Variants in MCCC1 observed in about 807,000 individuals in gnomAD.
The protein encoded by MCCC1 is methylcrotonyl-CoA carboxylase subunit 1.
In MCCC1, 64 loss-of-function variants were observed where a neutral mutation model predicts 83.8. The observed-to-expected ratio is 0.76, with a 90% confidence interval of 0.62 to 0.94. MCCC1 has a LOEUF of 0.94. Ranked by LOEUF, MCCC1 falls within the 40% of genes least tolerant of loss-of-function variation. The pLI is 0.00. For missense variants in MCCC1, 807 were observed against 904.7 expected, an observed-to-expected ratio of 0.89 and a Z score of 1.39; for synonymous variants, 322 against 315.4, an observed-to-expected ratio of 1.02 and a Z score of -0.22.
At chr3:183,046,919 T>A (rs1714600480) in intron 9 of MCCC1, among the ~76,000 whole-genome samples, 5 of 152,086 alleles carry the variant, frequency 3.3e-5, no homozygotes, top group Admixed American at 3.3e-4. Flanking sequence ...GAGCTGTAAT[T>A]GACAAATTCC....
intron 7 of MCCC1, 152 bp from the exon 8 acceptor site, chr3:183,057,574 A>G (rs1715517782): frequency 4.2e-6 from 3 of 713,940 alleles, no homozygotes; most frequent in Non-Finnish European, 7.2e-6. Context: ...ATTAGAGGTT[A>G]TGGACTTAGA....
At chr3:183,106,371 T>C (rs1034870729) in intron 1 of MCCC1, among the ~76,000 whole-genome samples, 1 of 152,218 alleles carries the variant, frequency 6.6e-6, no homozygotes, top group African/African-American at 2.4e-5. Flanking sequence ...AGGCTGATAC[T>C]ATAGAAAAAC....
intron 8 of MCCC1, among the ~76,000 whole-genome samples, chr3:183,054,254 C>G (rs910014691): frequency 6.7e-6 from 1 of 149,484 alleles, no homozygotes; most frequent in African/African-American, 2.5e-5. Context: ...GGCGCGATCT[C>G]GGCTCACTGC....
At chr3:183,101,133 A>G (rs928651018), upstream of MCCC1, among the ~76,000 whole-genome samples, 15 of 152,132 alleles carry the variant, frequency 9.9e-5, no homozygotes, top group African/African-American at 3.1e-4. Flanking sequence ...CTGCCTTCCC[A>G]CGGGGCAGGG....
chr3:183,113,085 G>A (rs1007429326), intron 1 of MCCC1, among the ~76,000 whole-genome samples: 14 of 151,802 alleles, frequency 9.2e-5, no homozygotes, highest in African/African-American at 1.2e-4. Flanking sequence ...TTAGCTGGGC[G>A]TGGTAGTGGG....
At chr3:183,072,639 A>G in intron 4 of MCCC1, 152 bp from the exon 5 acceptor site, 1 of 853,084 alleles carries the variant, frequency 1.2e-6, no homozygotes, top group Admixed American at 2.4e-5. Flanking sequence ...AAATATCTGA[A>G]ATATTCATAT....
At chr3:183,076,670 A>G (rs1717099931) in intron 4 of MCCC1, among the ~76,000 whole-genome samples, 3 of 152,174 alleles carry the variant, frequency 2.0e-5, no homozygotes, top group African/African-American at 7.2e-5. Context: ...TTGTACTATC[A>G]GTCTTTCTGA....
At chr3:183,042,768 G>A (rs1459791268) in intron 10 of MCCC1, among the ~76,000 whole-genome samples, 1 of 152,150 alleles carries the variant, frequency 6.6e-6, no homozygotes, top group Non-Finnish European at 1.5e-5. Context: ...AGTTTCTTAA[G>A]CTTTCCATGC....
At chr3:183,020,861 C>T (rs559298676) in intron 16 of MCCC1, among the ~76,000 whole-genome samples, 1 of 152,068 alleles carries the variant, frequency 6.6e-6, no homozygotes, top group Non-Finnish European at 1.5e-5. Flanking sequence ...GGATCAAAAC[C>T]ATCCTGGCTA....
intron 2 of MCCC1, among the ~76,000 whole-genome samples, chr3:183,094,179 T>C (rs1197405935): frequency 6.6e-6 from 1 of 151,172 alleles, no homozygotes; most frequent in Admixed American, 6.6e-5. Context: ...CTCCCAAGCA[T>C]CTGGGATTAC....
At chr3:183,098,989 C>G (rs1718942890) in intron 1 of MCCC1, 1 of 393,320 alleles carries the variant, frequency 2.5e-6, no homozygotes, top group Non-Finnish European at 4.7e-6. Context: ...TTCCCCGGAA[C>G]CGGATTATAA....
chr3:183,082,048 G>T (rs1227955281), intron 4 of MCCC1, among the ~76,000 whole-genome samples: 1 of 152,212 alleles, frequency 6.6e-6, no homozygotes, highest in Non-Finnish European at 1.5e-5. Context: ...TAACTAAGCT[G>T]CTAATAAGAG....
intron 1 of MCCC1, among the ~76,000 whole-genome samples, chr3:183,104,886 C>T (rs1719381991): frequency 6.6e-6 from 1 of 152,230 alleles, no homozygotes; most frequent in East Asian, 1.9e-4. Context: ...AGTACTTTTA[C>T]AATATTTATC....
chr3:183,016,422 G>C (rs1226381846), intron 18 of MCCC1: 1 of 151,722 alleles, frequency 6.6e-6, no homozygotes, highest in African/African-American at 2.4e-5. Context: ...ATAGAGATGG[G>C]GTCTCACCAT....
intron 7 of MCCC1, among the ~76,000 whole-genome samples, chr3:183,060,722 C>T (rs999412551): frequency 2.6e-5 from 4 of 152,142 alleles, no homozygotes; most frequent in Admixed American, 6.5e-5. Flanking sequence ...TGTCCTTCCC[C>T]GCTCCCCCAA....
chr3:183,077,574 T>A (rs1279871964), intron 4 of MCCC1, among the ~76,000 whole-genome samples: 1 of 152,188 alleles, frequency 6.6e-6, no homozygotes, highest in African/African-American at 2.4e-5. Flanking sequence ...GCTCATTTTT[T>A]TAAAAAATTA....
intron 13 of MCCC1, 105 bp from the exon 14 acceptor site, chr3:183,034,182 G>A: frequency 2.5e-6 from 2 of 802,356 alleles, no homozygotes; most frequent in Non-Finnish European, 4.2e-6. Context: ...CGGGCACAGT[G>A]GCTCATGCCT....
At chr3:183,110,393 ATTT>A (rs57833543) in intron 1 of MCCC1, among the ~76,000 whole-genome samples, 4 of 129,532 alleles carry the variant, frequency 3.1e-5, no homozygotes, top group Non-Finnish European at 5.0e-5. Flanking sequence ...TTTAGTCACA[ATTT>A]TTTTTTTTTT....
Position 183,017,341 on chromosome 3 carries a change from G to A in MCCC1, c.1978-4C>T, listed in dbSNP as rs779778814. The A allele has an allele frequency of 1.2e-6, 2 of 1,613,558 alleles. No homozygotes were observed. Among genetic ancestry groups the A allele is most frequent in the East Asian group, 2.2e-5 (1 of 44,866 alleles). ...TGTCTCCAGCTTTGACAAACACCTT[G>A]AGATTCAGTGTGACAGGTTAATATT... On this transcript the variant is annotated splice_polypyrimidine_tract_variant and splice_region_variant and intron_variant, in intron 17 of 18. Coordinates refer to ENST00000265594, the MANE Select transcript of MCCC1 (RefSeq NM_020166.5).
Sources: allele counts gnomAD v4.1 joint callset (sites outside exome capture counted in the v4.1 genomes callset), GRCh38; gene constraint gnomAD v4.1.1; transcripts MANE v1.5; gene names NCBI Gene and HGNC (gene_info 2026-07-23, HGNC 2026-07-21).